The following TSC2 variants were observed in gnomAD, a reference collection of about 807,000 sequenced individuals.
TSC2 encodes TSC complex subunit 2.
In TSC2, 29 loss-of-function variants were observed where a neutral mutation model predicts 202.2. That is an observed-to-expected ratio of 0.14 (90% confidence interval 0.11 to 0.20). TSC2 has a LOEUF of 0.20. Among genes scored for constraint, TSC2 ranks in the 10% least tolerant of loss-of-function variants. The pLI is 1.00. For synonymous variants in TSC2, 1,349 were observed against 1,044.0 expected, an observed-to-expected ratio of 1.29 and a Z score of -5.63; for missense variants, 2,429 against 2,420.0, an observed-to-expected ratio of 1.00 and a Z score of -0.08.
rs1013621076 is a variant in TSC2 at position 2,073,018 on chromosome 16, G to C, written c.2355+35G>C. 8.1e-6 allele frequency: 13 copies of C among 1,612,750 alleles called. No homozygotes were observed. The Admixed American group carries it at 8.3e-5, about 10-fold the overall frequency. ...CAGAGCAGGACAGGCGAGCTTGATG[G>C]GGCCTGGGATTCGAGGGCCTGGCCC... On this transcript the variant is annotated intron_variant, in intron 21 of 41. Coordinates refer to ENST00000219476, the MANE Select transcript of TSC2 (RefSeq NM_000548.5).
chr16:2,059,032 T>C (rs1468348966), intron 10 of TSC2, among the ~76,000 whole-genome samples, 159 bp downstream of exon 10: 1 of 149,736 alleles, frequency 6.7e-6, no homozygotes, highest in African/African-American at 2.4e-5. Context: ...TTTGGGGCCC[T>C]TTGTAGGCTT....
chr16:2,049,916 A>G (rs1368603153), intron 2 of TSC2, among the ~76,000 whole-genome samples: 1 of 150,414 alleles, frequency 6.6e-6, no homozygotes, highest in Non-Finnish European at 1.5e-5. Context: ...CACATTCTCA[A>G]CTCCTCGGGA....
At chr16:2,065,398 G>A (rs533551468) in intron 15 of TSC2, 121 bp from the exon 16 acceptor site, 2 of 875,590 alleles carry the variant, frequency 2.3e-6, no homozygotes, top group African/African-American at 3.6e-5. Flanking sequence ...GGGCGACAGA[G>A]CAAGACTCGA....
intron 19 of TSC2, 46 bp from the exon 20 acceptor site, chr16:2,072,195 C>T (rs776542245): frequency 1.2e-6 from 2 of 1,612,594 alleles, no homozygotes; most frequent in East Asian, 2.2e-5. Context: ...CCGCCTCTGT[C>T]TCTAGGGTCC....
intron 16 of TSC2, chr16:2,066,286 T>G (rs1180602636): frequency 1.3e-5 from 2 of 154,510 alleles, no homozygotes; most frequent in East Asian, 3.8e-4. Flanking sequence ...CTGACTGGAT[T>G]GTTCCACCCA....
Position 2,079,218 on chromosome 16 carries a change from T to C in TSC2, c.3131+22T>C. 6.2e-7 allele frequency: 1 copy of C among 1,612,832 alleles called. No individual in the cohort carries two copies. Among genetic ancestry groups the C allele is most frequent in the Non-Finnish European group, 8.5e-7 (1 of 1,180,008 alleles). On this transcript the variant is annotated intron_variant, in intron 27 of 41. Transcript: ENST00000219476. The surrounding 1 kb of genome is among the most constrained non-coding windows in gnomAD (Gnocchi z 4.6). ...AGAGGTCCAGGCGGCACTACAGGGC[T>C]GGGCGGGCCTGCGGGAGCTCCACGG...
At chr16:2,065,113 CAAAAA>C (rs2087144430) in intron 15 of TSC2, 1 of 170,072 alleles carries the variant, frequency 5.9e-6, no homozygotes, top group Non-Finnish European at 1.1e-5. Flanking sequence ...GACTCTGTCT[CAAAAA>C]GAAAAAAAAA....
intron 21 of TSC2, among the ~76,000 whole-genome samples, chr16:2,073,829 C>T (rs956375196): frequency 1.3e-5 from 2 of 152,276 alleles, no homozygotes; most frequent in East Asian, 1.9e-4. Flanking sequence ...GCCTGAGCTC[C>T]GCTCATCTTC....
Position 2,076,571 on chromosome 16 carries a change from C to G in TSC2, c.2823C>G (p.Asn941Lys). Residue 941 changes from asparagine (N) to lysine (K), a missense_variant, in exon 25 of 42, where the codon AAC becomes AAG. By Grantham distance (94) the Asn-to-Lys change is moderately conservative. Coordinates refer to ENST00000219476, the MANE Select transcript of TSC2 (RefSeq NM_000548.5). ...TCAGGGCCCGGAGTACTAGTCTCAACGAGAGACCCAAGAGGTACGGCCTGC... is the reference window on the plus strand; with the variant it reads ...TCAGGGCCCGGAGTACTAGTCTCAAGGAGAGACCCAAGAGGTACGGCCTGC... The part of the protein sequence containing the change: ...DSFRARSTSL[N>K]ERPKSLRIAR... 1 of 1,613,242 alleles carries G rather than the reference C, an allele frequency of 6.2e-7. No individual in the cohort carries two copies. The highest frequency in any genetic ancestry group is 8.5e-7 in the Non-Finnish European group (1 of 1,179,956).
chr16:2,088,661 G>T lies in TSC2; in HGVS notation c.*51G>T. On this transcript the variant is annotated 3_prime_UTR_variant, in exon 42 of 42. Coordinates refer to ENST00000219476, the MANE Select transcript of TSC2 (RefSeq NM_000548.5). ...GCCTTGGACGGTATTGCCTGTCAGT[G>T]AAATAAATAAAGTCCTGACCCCAGT... 2 of 1,562,334 alleles carry T rather than the reference G, an allele frequency of 1.3e-6. No individual in the cohort carries two copies. Among genetic ancestry groups the T allele is most frequent in the South Asian group, 1.1e-5 (1 of 87,606 alleles).
intron 6 of TSC2, chr16:2,055,755 G>T (rs1017538135): frequency 1.0e-5 from 5 of 493,850 alleles, no homozygotes; most frequent in Admixed American, 9.3e-5. Context: ...GCCGGGCATG[G>T]TGGTGGGAGC....
At chr16:2,061,759 G>T (rs764051932) in intron 11 of TSC2, 112 bp from the exon 12 acceptor site, 1 of 1,572,256 alleles carries the variant, frequency 6.4e-7, no homozygotes, top group East Asian at 2.3e-5. Flanking sequence ...GGCCCAGAGC[G>T]GCCTGAGAGG....
chr16:2,085,730 G>A (rs898562360), intron 36 of TSC2, among the ~76,000 whole-genome samples: 7 of 152,214 alleles, frequency 4.6e-5, no homozygotes, highest in South Asian at 2.1e-4. Flanking sequence ...GGGCGAGCAC[G>A]GGAGCCGACA....
intron 40 of TSC2, 36 bp from the exon 41 acceptor site, chr16:2,088,191 C>T (rs756863981): frequency 6.2e-7 from 1 of 1,612,936 alleles, no homozygotes; most frequent in Non-Finnish European, 8.5e-7. Flanking sequence ...CCAGGTGCCA[C>T]CTGATAGTGA....
intron 9 of TSC2, among the ~76,000 whole-genome samples, 184 bp from the exon 10 acceptor site, chr16:2,058,563 G>A (rs780821014): frequency 3.3e-5 from 5 of 152,238 alleles, no homozygotes; most frequent in African/African-American, 7.2e-5. Flanking sequence ...CCGCCTGTGC[G>A]CAGGAGTGAA....
At chr16:2,051,738 C>G (rs2085156272) in intron 3 of TSC2, among the ~76,000 whole-genome samples, 1 of 152,168 alleles carries the variant, frequency 6.6e-6, no homozygotes, top group Admixed American at 6.5e-5. Context: ...CTGAAACGTG[C>G]TGGCCGTACG....
intron 24 of TSC2, 42 bp from the exon 25 acceptor site, chr16:2,076,449 C>T: frequency 6.2e-7 from 1 of 1,611,044 alleles, no homozygotes; most frequent in Non-Finnish European, 8.5e-7. Context: ...CCTCCAGCCC[C>T]CATTGCCACC....
chr16:2,083,806 C>T lies in TSC2; in HGVS notation c.3995C>T (p.Ala1332Val), dbSNP rs1166352281. 6.2e-7 allele frequency: 1 copy of T among 1,611,124 alleles called. No homozygotes were observed. The highest frequency in any genetic ancestry group is 1.7e-5 in the Admixed American group (1 of 59,840). The change falls in exon 33 of 42, where the codon GCC becomes GTC. Residue 1332 changes from alanine to valine, a missense_variant. Coordinates refer to ENST00000219476, the MANE Select transcript of TSC2 (RefSeq NM_000548.5). ...CTAGGCATGGACAGGCGCACGGATG[C>T]CTACAGCAGGGTGAGTGTGGCTCAG... Reference protein sequence around the residue: ...AALGMDRRTDAYSRSSSVSSQ... With the variant: ...AALGMDRRTDVYSRSSSVSSQ...
chr16:2,079,636 C>A lies in TSC2; in HGVS notation c.3364C>A (p.Arg1122Ser). 1 of 1,607,576 alleles carries A rather than the reference C, an allele frequency of 6.2e-7. No individual in the cohort carries two copies. Among genetic ancestry groups the A allele is most frequent in the East Asian group, 2.2e-5 (1 of 44,648 alleles). ...LESQAGQQVSRGARDRVRSMS... is the reference protein window; with the variant it reads ...LESQAGQQVSSGARDRVRSMS... ...GTCCCAGGCTGGGCAGCAGGTGTCC[C>A]GTGGGGCCCGGGATCGGGTCCGTTC... Residue 1122 changes from arginine to serine, a missense_variant, in exon 29 of 42, where the codon CGT becomes AGT. Coordinates refer to ENST00000219476, the MANE Select transcript of TSC2 (RefSeq NM_000548.5). The surrounding 1 kb of genome is among the most constrained non-coding windows in gnomAD (Gnocchi z 4.6).
Sources: gnomAD v4.1 joint callset for allele counts (sites outside exome capture counted in the v4.1 genomes callset) on GRCh38, gnomAD v4.1.1 for gene constraint, Gnocchi (gnomAD v3.1) non-coding constraint, MANE v1.5 for transcripts, NCBI Gene and HGNC (gene_info 2026-07-23, HGNC 2026-07-21) for gene names.